CPVL: variants seen among roughly 807,000 people sequenced by gnomAD.
CPVL encodes the protein probable serine carboxypeptidase CPVL.
In CPVL, 51 loss-of-function variants were observed where a neutral mutation model predicts 63.7. That is an observed-to-expected ratio of 0.80 (90% CI 0.64 to 1.01). The LOEUF is 1.01. Among genes scored for constraint, CPVL ranks in the 50% least tolerant of loss-of-function variants. The pLI, the probability that CPVL is intolerant of heterozygous loss-of-function variation, is 0.00. For missense variants in CPVL, 530 were observed against 573.1 expected, an observed-to-expected ratio of 0.92 and a Z score of 0.77; for synonymous variants, 195 against 206.0, an observed-to-expected ratio of 0.95 and a Z score of 0.46.
intron 5 of CPVL, among the ~76,000 whole-genome samples, chr7:29,157,337 A>T (rs1794528128): frequency 6.6e-6 from 1 of 152,134 alleles, no homozygotes; most frequent in African/African-American, 2.4e-5. Context: ...TCTCCACTCA[A>T]TGCCCAGCCC....
chr7:29,181,113 G>A (rs1798011139), intron 5 of CPVL, among the ~76,000 whole-genome samples: 1 of 152,184 alleles, frequency 6.6e-6, no homozygotes, highest in Non-Finnish European at 1.5e-5. Context: ...GGGAATTTGT[G>A]TTTTAAAATA....
At chr7:29,039,392 G>C (rs1788849151) in intron 11 of CPVL, among the ~76,000 whole-genome samples, 3 of 152,160 alleles carry the variant, frequency 2.0e-5, no homozygotes, top group Non-Finnish European at 4.4e-5. Flanking sequence ...GATACCTGCA[G>C]AAGAGTACGT....
intron 1 of CPVL, among the ~76,000 whole-genome samples, chr7:29,122,920 A>AG (rs1346656055): frequency 6.6e-6 from 1 of 152,100 alleles, no homozygotes; most frequent in Non-Finnish European, 1.5e-5. Flanking sequence ...GACCTTGCTA[A>AG]GTAGGGAATT....
intron 12 of CPVL, among the ~76,000 whole-genome samples, chr7:29,016,799 G>T (rs1297300457): frequency 6.6e-6 from 1 of 152,138 alleles, no homozygotes; most frequent in East Asian, 1.9e-4. Context: ...CTCTCAAACA[G>T]GGAATCAGTC....
chr7:29,023,243 AG>A (rs1787183535), intron 12 of CPVL, among the ~76,000 whole-genome samples: 1 of 152,220 alleles, frequency 6.6e-6, no homozygotes. Flanking sequence ...TAAAGGAAAG[AG>A]GTTTAATGGG....
chr7:29,007,137 T>C (rs17157364), intron 12 of CPVL, among the ~76,000 whole-genome samples: 13,615 of 152,254 alleles, frequency 0.089, 1,823 homozygotes, highest in African/African-American at 0.29. Flanking sequence ...CAATAGATGA[T>C]TAAAAACCAC....
At chr7:29,059,803 GT>G (rs982799897) in intron 11 of CPVL, among the ~76,000 whole-genome samples, 8 of 152,130 alleles carry the variant, frequency 5.3e-5, no homozygotes, top group Non-Finnish European at 8.8e-5. Context: ...ACCAATTACT[GT>G]TCAGGTTTCC....
intron 11 of CPVL, among the ~76,000 whole-genome samples, chr7:29,051,742 G>A (rs1169069418): frequency 5.3e-5 from 8 of 151,896 alleles, no homozygotes; most frequent in Non-Finnish European, 1.0e-4. Context: ...CCACTACTGG[G>A]TATCTGTCCA....
intron 5 of CPVL, among the ~76,000 whole-genome samples, chr7:29,175,550 C>T (rs549367738): frequency 6.6e-6 from 1 of 152,252 alleles, no homozygotes; most frequent in Admixed American, 6.5e-5. Context: ...CCATGTAAGA[C>T]ATTCCTTGCT....
At chr7:29,004,896 C>CTTTTTTTTTTTTTTT (rs555443117) in intron 12 of CPVL, among the ~76,000 whole-genome samples, 2 of 144,852 alleles carry the variant, frequency 1.4e-5, no homozygotes, top group Non-Finnish European at 1.5e-5. Context: ...TTTTTCTTTT[C>CTTTTTTTTTTTTTTT]TTTTCTTTTT....
chr7:29,177,777 G>T (rs1034251259), intron 5 of CPVL, among the ~76,000 whole-genome samples: 1 of 151,842 alleles, frequency 6.6e-6, no homozygotes, highest in Non-Finnish European at 1.5e-5. Flanking sequence ...ATCTCATTAT[G>T]CTCCCACCTA....
At chr7:29,133,193 C>CA (rs1333159770) in intron 1 of CPVL, among the ~76,000 whole-genome samples, 7,382 of 90,402 alleles carry the variant, frequency 0.082, 221 homozygotes, top group Admixed American at 0.13. Context: ...TTTCTGAAGG[C>CA]AAAAAAAAAA....
chr7:29,010,083 T>C (rs368878869), intron 12 of CPVL: 10 of 152,184 alleles, frequency 6.6e-5, no homozygotes, highest in African/African-American at 1.9e-4. Context: ...GGAGAAGCAA[T>C]TGAACTGAAA....
intron 12 of CPVL, among the ~76,000 whole-genome samples, chr7:29,014,606 TGTTGAGATTACA>T (rs1343282893): frequency 1.3e-5 from 2 of 152,082 alleles, no homozygotes; most frequent in Non-Finnish European, 2.9e-5. Context: ...CCTCCCAAAG[TGTTGAGATTACA>T]GTTGTGAGCC....
chr7:29,178,289 C>G (rs952228627), intron 5 of CPVL, among the ~76,000 whole-genome samples: 26 of 152,158 alleles, frequency 1.7e-4, no homozygotes, highest in Non-Finnish European at 3.2e-4. Flanking sequence ...TCTGTGGCTT[C>G]CCATTGTGTC....
intron 12 of CPVL, among the ~76,000 whole-genome samples, chr7:29,018,567 T>C (rs1308204769): frequency 6.6e-6 from 1 of 151,916 alleles, no homozygotes; most frequent in Non-Finnish European, 1.5e-5. Context: ...TTAGTAGAGA[T>C]GAAGTTTCAC....
chr7:29,135,335 A>AT (rs34928416), intron 1 of CPVL, among the ~76,000 whole-genome samples: 2,331 of 146,160 alleles, frequency 0.016, 17 homozygotes, highest in African/African-American at 0.021. Context: ...ATTGTATTAG[A>AT]TTTTTTTTTT....
intron 12 of CPVL, among the ~76,000 whole-genome samples, chr7:29,008,271 C>T (rs1176476987): frequency 6.6e-6 from 1 of 152,146 alleles, no homozygotes. Context: ...GAGGCCAGAT[C>T]AAATCTTTTC....
At chr7:29,052,726 G>A (rs1222697441) in intron 11 of CPVL, among the ~76,000 whole-genome samples, 4 of 152,042 alleles carry the variant, frequency 2.6e-5, no homozygotes, top group Non-Finnish European at 4.4e-5. Flanking sequence ...TGGCTCACAC[G>A]GTGAAACCCT....
Sources: allele counts gnomAD v4.1 joint callset (sites outside exome capture counted in the v4.1 genomes callset), GRCh38; gene constraint gnomAD v4.1.1; transcripts MANE v1.5; gene names NCBI Gene and HGNC (gene_info 2026-07-23, HGNC 2026-07-21).